ARHGAP25: variants seen among roughly 807,000 people sequenced by gnomAD.
ARHGAP25 encodes Rho GTPase activating protein 25.
In ARHGAP25, 34 loss-of-function variants were observed where a neutral mutation model predicts 71.0. That is an observed-to-expected ratio of 0.48 (90% CI 0.36 to 0.64). The LOEUF is 0.64. Ranked by LOEUF, ARHGAP25 falls within the 30% of genes least tolerant of loss-of-function variation. The pLI is 0.00. For synonymous variants in ARHGAP25, 282 were observed against 296.5 expected (o/e 0.95, Z 0.50); for missense variants, 706 against 805.1 (o/e 0.88, Z 1.49).
intron 2 of ARHGAP25, among the ~76,000 whole-genome samples, chr2:68,718,968 T>C (rs1314508357): frequency 6.6e-6 from 1 of 152,048 alleles, no homozygotes. Context: ...CAAGCCTACA[T>C]GATGAAGCCT....
At chr2:68,752,170 G>A (rs2280244) in intron 1 of ARHGAP25, among the ~76,000 whole-genome samples, 37,959 of 152,070 alleles carry the variant, frequency 0.25, 5,111 homozygotes, top group Non-Finnish European at 0.31. Context: ...TACCCTCCAC[G>A]TCCTGACATC....
At chr2:68,739,381 C>T (rs1468846061) in intron 1 of ARHGAP25, among the ~76,000 whole-genome samples, 2 of 152,194 alleles carry the variant, frequency 1.3e-5, no homozygotes, top group Non-Finnish European at 2.9e-5. Context: ...CTCCCTGTCT[C>T]TCACCTCACA....
chr2:68,739,990 T>C (rs1039603952), intron 1 of ARHGAP25, among the ~76,000 whole-genome samples: 1 of 152,210 alleles, frequency 6.6e-6, no homozygotes, highest in African/African-American at 2.4e-5. Context: ...TGCTTCCTCA[T>C]TTCTAGTAAG....
chr2:68,729,890 A>C (rs2104268026), upstream of ARHGAP25, among the ~76,000 whole-genome samples: 1 of 152,388 alleles, frequency 6.6e-6, no homozygotes, highest in African/African-American at 2.4e-5. Flanking sequence ...TATCTCTAAG[A>C]ATTCCCCCTG....
chr2:68,747,583 A>G (rs1336992788), intron 1 of ARHGAP25, among the ~76,000 whole-genome samples: 2 of 152,104 alleles, frequency 1.3e-5, no homozygotes, highest in Non-Finnish European at 2.9e-5. Context: ...ACTTTCATAC[A>G]TTAGCTCCAA....
At chr2:68,802,384 G>C (rs1168735023) in intron 4 of ARHGAP25, among the ~76,000 whole-genome samples, 1 of 120,720 alleles carries the variant, frequency 8.3e-6, no homozygotes, top group African/African-American at 3.1e-5. Context: ...CCCTAGCCTG[G>C]ATGACAAAGC....
chr2:68,736,138 G>C (rs1033163821), intron 1 of ARHGAP25, among the ~76,000 whole-genome samples: 1 of 152,178 alleles, frequency 6.6e-6, no homozygotes, highest in Non-Finnish European at 1.5e-5. Flanking sequence ...GAGGAATTTT[G>C]CTTGGAAAAA....
intron 4 of ARHGAP25, among the ~76,000 whole-genome samples, chr2:68,802,772 A>G (rs940635002): frequency 6.6e-6 from 1 of 152,056 alleles, no homozygotes; most frequent in Non-Finnish European, 1.5e-5. Flanking sequence ...ATATACAATG[A>G]TAAAATAAAA....
At position 68,725,902 on chromosome 2, in the gene ARHGAP25, C is replaced by G. The variant is rs140118377; in HGVS notation, c.-18+15204C>G. Among the ~76,000 whole-genome samples, 305 of 152,258 alleles carry G rather than the reference C, an allele frequency of 2.0e-3. 3 individuals carry two copies. Among genetic ancestry groups the G allele is most frequent in the African/African-American group, 7.0e-3 (291 of 41,544 alleles). On this transcript the variant is annotated intron_variant and NMD_transcript_variant, in intron 2 of 7. Coordinates refer to the ARHGAP25 transcript ENST00000463483. ...GGAAGGTTCTCCCACATAGGTTTAC[C>G]TGGCTCATTCTCAACCTGGCTTAGG...
At chr2:68,787,784 T>C in intron 3 of ARHGAP25, 56 bp from the exon 4 acceptor site, 1 of 1,437,154 alleles carries the variant, frequency 7.0e-7, no homozygotes, top group South Asian at 1.1e-5. Flanking sequence ...TCTCTTCCCC[T>C]TGCTCTCATG....
At chr2:68,775,042 C>T (rs1339611633) in intron 1 of ARHGAP25, 179 bp from the exon 2 acceptor site, 13 of 1,515,766 alleles carry the variant, frequency 8.6e-6, no homozygotes, top group South Asian at 7.8e-5. Flanking sequence ...GCTGGCCCCT[C>T]GGCTGCTTCT....
intron 4 of ARHGAP25, among the ~76,000 whole-genome samples, chr2:68,801,545 T>G (rs1188523288): frequency 6.6e-6 from 1 of 152,184 alleles, no homozygotes; most frequent in African/African-American, 2.4e-5. Context: ...TAAAGGCCAT[T>G]GGTCTCCTTG....
At position 68,751,493 on chromosome 2, in the gene ARHGAP25, C is replaced by T. The variant is rs1219603463; in HGVS notation, c.61+16233C>T. Among the ~76,000 whole-genome samples the T allele has an allele frequency of 3.3e-5, 5 of 151,974 alleles. No homozygotes were observed. The East Asian group carries it at 7.7e-4, about 23-fold the overall frequency. On this transcript the variant is annotated intron_variant, in intron 1 of 10. Coordinates refer to ENST00000409202, the MANE Select transcript of ARHGAP25 (RefSeq NM_001007231.3). ...TATCCTCCAGTTAGCAGTAGATTTCCTCCTATTCGCACACCTGCCATTGCC... is the reference window on the plus strand; with the variant it reads ...TATCCTCCAGTTAGCAGTAGATTTCTTCCTATTCGCACACCTGCCATTGCC...
intron 4 of ARHGAP25, among the ~76,000 whole-genome samples, chr2:68,794,876 C>G (rs1679427177): frequency 6.6e-6 from 1 of 151,980 alleles, no homozygotes; most frequent in African/African-American, 2.4e-5. Context: ...ATGTTTGGTA[C>G]AATTCAACTG....
chr2:68,763,297 A>C (rs72828900), intron 1 of ARHGAP25, among the ~76,000 whole-genome samples: 13,358 of 152,274 alleles, frequency 0.088, 703 homozygotes, highest in Non-Finnish European at 0.11. Flanking sequence ...TATCAGAAGT[A>C]TTCTGCTGTG....
chr2:68,797,768 C>T (rs1240279731), intron 4 of ARHGAP25, among the ~76,000 whole-genome samples: 1 of 152,220 alleles, frequency 6.6e-6, no homozygotes, highest in Non-Finnish European at 1.5e-5. Context: ...TCATAGTCTT[C>T]TTGCCACTCC....
intron 1 of ARHGAP25, among the ~76,000 whole-genome samples, chr2:68,755,789 A>G (rs1032156198): frequency 6.6e-6 from 1 of 152,246 alleles, no homozygotes; most frequent in Non-Finnish European, 1.5e-5. Context: ...AAGTTGAAAG[A>G]GGAAAAATTT....
At chr2:68,758,825 A>G (rs571434171) in intron 1 of ARHGAP25, among the ~76,000 whole-genome samples, 52 of 152,070 alleles carry the variant, frequency 3.4e-4, no homozygotes, top group Admixed American at 8.5e-4. Flanking sequence ...GTGCACATGG[A>G]TATTTTCTAG....
chr2:68,735,525 ACT>A, intron 1 of ARHGAP25: 1 of 552,802 alleles, frequency 1.8e-6, no homozygotes, highest in Non-Finnish European at 3.2e-6. Flanking sequence ...AAGGCTACAG[ACT>A]ACACACAAAA....
Sources: gnomAD v4.1 joint callset for allele counts (sites outside exome capture counted in the v4.1 genomes callset) on GRCh38, gnomAD v4.1.1 for gene constraint, MANE v1.5 for transcripts, NCBI Gene and HGNC (gene_info 2026-07-23, HGNC 2026-07-21) for gene names.